CPLANE1: variants seen among roughly 807,000 people sequenced by gnomAD.
The protein encoded by CPLANE1 is ciliogenesis and planar polarity effector complex subunit 1.
In CPLANE1, 263 loss-of-function variants were observed where a neutral mutation model predicts 362.5. The ratio of observed to expected loss-of-function variants is 0.73; its 90% CI spans 0.66 to 0.80. CPLANE1 has a LOEUF of 0.80. Among genes scored for constraint, CPLANE1 ranks in the 30% least tolerant of loss-of-function variants. CPLANE1 has a pLI of 0.00. For missense variants in CPLANE1, 3,461 were observed against 3,793.4 expected (o/e 0.91, Z 2.30); for synonymous variants, 1,212 against 1,302.6 (o/e 0.93, Z 1.50).
At chr5:37,096,684 C>G in the CPLANE1 span, among the ~76,000 whole-genome samples, 1 of 152,062 alleles carries the variant, frequency 6.6e-6, no homozygotes, top group Non-Finnish European at 1.5e-5. Context: ...TAGCCAGAAT[C>G]TACAATGAAC....
At chr5:37,192,911 G>A (rs1786040351) in intron 21 of CPLANE1, among the ~76,000 whole-genome samples, 1 of 149,610 alleles carries the variant, frequency 6.7e-6, no homozygotes, top group South Asian at 2.1e-4. Context: ...GCTCACGCCT[G>A]TAATCCCAGC....
chr5:37,238,251 C>A (rs538151733), intron 8 of CPLANE1, among the ~76,000 whole-genome samples: 9 of 152,256 alleles, frequency 5.9e-5, no homozygotes, highest in Admixed American at 2.6e-4. Flanking sequence ...CAGCTCATGG[C>A]AACCTCCGCC....
At chr5:37,157,898 G>A (rs745312843) in intron 39 of CPLANE1, 30 bp from the exon 40 acceptor site, 18 of 823,434 alleles carry the variant, frequency 2.2e-5, no homozygotes, top group Non-Finnish European at 2.9e-5. Context: ...ACCAAAGAGG[G>A]TTACATTCTT....
At chr5:37,208,808 T>C (rs572523675) in intron 16 of CPLANE1, among the ~76,000 whole-genome samples, 2 of 152,144 alleles carry the variant, frequency 1.3e-5, no homozygotes, top group Non-Finnish European at 1.5e-5. Context: ...CCATAACAGT[T>C]ATAACCATTT....
intron 14 of CPLANE1, 50 bp from the exon 15 acceptor site, chr5:37,221,538 C>T: frequency 1.5e-6 from 2 of 1,333,180 alleles, no homozygotes; most frequent in East Asian, 2.8e-5. Context: ...AAAGGAATGC[C>T]CTTGGTGTAG....
chr5:37,224,983 C>A (rs908344422), intron 12 of CPLANE1, among the ~76,000 whole-genome samples: 5 of 143,870 alleles, frequency 3.5e-5, no homozygotes, highest in African/African-American at 1.3e-4. Context: ...CAAGGTCTCA[C>A]TACGTTGCCC....
intron 15 of CPLANE1, among the ~76,000 whole-genome samples, chr5:37,219,040 CAAAT>C (rs1050608030): frequency 2.6e-5 from 4 of 151,456 alleles, no homozygotes; most frequent in East Asian, 3.9e-4. Context: ...CAAAAATAAA[CAAAT>C]AAATAAAGAC....
chr5:37,104,966 C>T (rs998369788), downstream of CPLANE1, among the ~76,000 whole-genome samples: 1 of 152,090 alleles, frequency 6.6e-6, no homozygotes, highest in African/African-American at 2.4e-5. Context: ...AAAAACAGCA[C>T]TGAACTGGTA....
chr5:37,212,391 C>A, intron 16 of CPLANE1: 1 of 799,044 alleles, frequency 1.3e-6, no homozygotes, highest in Non-Finnish European at 2.3e-6. Flanking sequence ...ACCATGTTTG[C>A]TGCCCAGCTT....
chr5:37,090,215 C>G, the CPLANE1 span, among the ~76,000 whole-genome samples: 3 of 152,270 alleles, frequency 2.0e-5, no homozygotes, highest in East Asian at 1.9e-4. Context: ...GCAGCTAGAT[C>G]GCATTGATCC....
intron 36 of CPLANE1, 84 bp from the exon 37 acceptor site, chr5:37,164,411 T>C (rs1410944922): frequency 3.0e-6 from 3 of 996,632 alleles, no homozygotes; most frequent in Non-Finnish European, 4.7e-6. Context: ...GCTATGAAGA[T>C]TGAATTCTCA....
chr5:37,219,282 C>A (rs1794839209), intron 15 of CPLANE1, among the ~76,000 whole-genome samples: 1 of 152,166 alleles, frequency 6.6e-6, no homozygotes. Context: ...GTAATCCCAG[C>A]ACTTTGAGAG....
chr5:37,147,911 G>A (rs1448856975), intron 43 of CPLANE1, among the ~76,000 whole-genome samples: 1 of 132,140 alleles, frequency 7.6e-6, no homozygotes, highest in East Asian at 2.4e-4. Context: ...CACAAAAACT[G>A]AGCTCCAGGC....
intron 46 of CPLANE1, among the ~76,000 whole-genome samples, chr5:37,127,670 C>A (rs2150174721): frequency 6.6e-6 from 1 of 151,686 alleles, no homozygotes; most frequent in African/African-American, 2.4e-5. Flanking sequence ...AGGCTTGCAC[C>A]ACCACGCCCG....
intron 8 of CPLANE1, among the ~76,000 whole-genome samples, chr5:37,235,557 T>C (rs1418779477): frequency 1.3e-5 from 2 of 149,166 alleles, no homozygotes; most frequent in African/African-American, 2.5e-5. Flanking sequence ...GGTATCATAT[T>C]ATCTAATTTC....
rs1371175801 is a variant in CPLANE1 at position 37,220,063 on chromosome 5, G to A, written c.2746+1261C>T. On this transcript the variant is annotated intron_variant, in intron 15 of 52. Transcript: ENST00000651892. ...AGCCCAGGAAGTCAAGATCAGCCTG[G>A]GCAGCATGGTGAAATCCCATCTCTA... 3.9e-5 allele frequency among the ~76,000 whole-genome samples: 6 copies of A among 152,198 alleles called. No individual in the cohort carries two copies. In the East Asian group the frequency reaches 1.2e-3, roughly 29 times the overall value.
intron 8 of CPLANE1, among the ~76,000 whole-genome samples, chr5:37,233,295 A>G (rs1428551481): frequency 6.6e-6 from 1 of 152,150 alleles, no homozygotes; most frequent in Non-Finnish European, 1.5e-5. Context: ...GAGGCTCCCT[A>G]TCACCCTGCT....
chr5:37,139,307 AG>A, intron 45 of CPLANE1, 32 bp downstream of exon 45: 5 of 1,384,106 alleles, frequency 3.6e-6, no homozygotes, highest in Non-Finnish European at 4.9e-6. Context: ...CCAACTTTAA[AG>A]AAAATTGTGA....
At chr5:37,208,699 A>G (rs1054141669) in intron 16 of CPLANE1, among the ~76,000 whole-genome samples, 35 of 139,960 alleles carry the variant, frequency 2.5e-4, no homozygotes, top group Non-Finnish European at 5.3e-4. Context: ...AAAAAAAAAA[A>G]GAGTTCAGCT....
Sources: allele counts gnomAD v4.1 joint callset (sites outside exome capture counted in the v4.1 genomes callset), GRCh38; gene constraint gnomAD v4.1.1; transcripts MANE v1.5; gene names NCBI Gene and HGNC (gene_info 2026-07-23, HGNC 2026-07-21).